The following PPP1R1C variants were observed in gnomAD, a reference collection of about 807,000 sequenced individuals.
PPP1R1C encodes protein phosphatase 1 regulatory inhibitor subunit 1C, also known as protein phosphatase 1 regulatory subunit 1C.
Under a neutral mutation model 17.4 loss-of-function variants are expected in PPP1R1C, and 15 were observed. The ratio of observed to expected loss-of-function variants is 0.86; its 90% CI spans 0.58 to 1.33. PPP1R1C has a LOEUF of 1.33. Ranked by LOEUF, PPP1R1C falls within the 40% of genes most tolerant of loss-of-function variation. The pLI is 0.00. For synonymous variants in PPP1R1C, 35 were observed against 43.1 expected (o/e 0.81, Z 0.73); for missense variants, 143 against 130.0 (o/e 1.10, Z -0.48).
intron 2 of PPP1R1C, among the ~76,000 whole-genome samples, chr2:182,034,940 C>T (rs376352968): frequency 6.6e-6 from 1 of 152,242 alleles, no homozygotes. Context: ...GCTCCTTACA[C>T]ACCTTTAATG....
At chr2:181,990,440 G>A (rs1047413858) in intron 2 of PPP1R1C, among the ~76,000 whole-genome samples, 3 of 152,084 alleles carry the variant, frequency 2.0e-5, no homozygotes, top group African/African-American at 7.2e-5. Context: ...ACAGCGCCCG[G>A]CCTCCAAGCT....
chr2:182,035,173 G>A (rs556861322), intron 2 of PPP1R1C, among the ~76,000 whole-genome samples: 2 of 152,272 alleles, frequency 1.3e-5, no homozygotes, highest in South Asian at 2.1e-4. Flanking sequence ...ACATCACCTT[G>A]CTTCCTCCCA....
chr2:182,034,250 T>C (rs1226674240), intron 2 of PPP1R1C, among the ~76,000 whole-genome samples: 3 of 152,160 alleles, frequency 2.0e-5, no homozygotes, highest in Non-Finnish European at 4.4e-5. Context: ...AAATGTTTAA[T>C]TTATGATAAT....
chr2:182,019,269 T>C (rs1280110187), intron 2 of PPP1R1C, among the ~76,000 whole-genome samples: 1 of 152,216 alleles, frequency 6.6e-6, no homozygotes, highest in African/African-American at 2.4e-5. Context: ...CTTTGCATGG[T>C]AGCCATTACC....
chr2:182,087,031 A>G (rs553240325), intron 4 of PPP1R1C, among the ~76,000 whole-genome samples: 2 of 152,178 alleles, frequency 1.3e-5, no homozygotes, highest in Admixed American at 1.3e-4. Flanking sequence ...ATTTCTTTTT[A>G]ACTCTCACAT....
intron 4 of PPP1R1C, among the ~76,000 whole-genome samples, chr2:182,086,971 G>A (rs1311241527): frequency 1.3e-5 from 2 of 151,390 alleles, no homozygotes; most frequent in Admixed American, 6.6e-5. Flanking sequence ...TCAGTTAATG[G>A]CCTCTTCATC....
At chr2:181,954,968 T>G (rs1684646917) in intron 1 of PPP1R1C, among the ~76,000 whole-genome samples, 1 of 152,238 alleles carries the variant, frequency 6.6e-6, no homozygotes, top group African/African-American at 2.4e-5. Flanking sequence ...AATTGAGGGC[T>G]GTCTCAGGGA....
At chr2:182,087,050 C>T (rs1428193387) in intron 4 of PPP1R1C, among the ~76,000 whole-genome samples, 1 of 152,172 alleles carries the variant, frequency 6.6e-6, no homozygotes, top group Non-Finnish European at 1.5e-5. Flanking sequence ...ATTTCACATC[C>T]AAGCTACCAG....
intron 4 of PPP1R1C, among the ~76,000 whole-genome samples, chr2:182,099,798 G>T (rs2125226806): frequency 6.6e-6 from 1 of 152,256 alleles, no homozygotes; most frequent in South Asian, 2.1e-4. Flanking sequence ...TTTACTAAAG[G>T]AGTAACAGTG....
chr2:181,973,163 C>A (rs895622710), intron 1 of PPP1R1C, among the ~76,000 whole-genome samples: 2 of 152,138 alleles, frequency 1.3e-5, no homozygotes, highest in Non-Finnish European at 2.9e-5. Context: ...AGACCAGGCC[C>A]ACCCCAGACC....
intron 2 of PPP1R1C, among the ~76,000 whole-genome samples, chr2:181,991,582 T>C (rs1329875941): frequency 1.3e-5 from 2 of 152,160 alleles, no homozygotes; most frequent in African/African-American, 4.8e-5. Context: ...GGAATAACTC[T>C]CAACAGTCAG....
intron 2 of PPP1R1C, among the ~76,000 whole-genome samples, chr2:182,013,513 T>C (rs1319128602): frequency 1.3e-5 from 2 of 152,138 alleles, no homozygotes; most frequent in Non-Finnish European, 2.9e-5. Context: ...ATAGTCTTCT[T>C]TGGGTTAAAT....
chr2:182,011,961 C>T (rs1014619360), intron 2 of PPP1R1C, among the ~76,000 whole-genome samples: 6 of 151,866 alleles, frequency 4.0e-5, no homozygotes, highest in Non-Finnish European at 8.8e-5. Context: ...TAATGTTATT[C>T]CACTGTGGTC....
chr2:182,083,322 G>A (rs1410182818), intron 4 of PPP1R1C, among the ~76,000 whole-genome samples: 5 of 152,154 alleles, frequency 3.3e-5, no homozygotes, highest in Non-Finnish European at 7.3e-5. Context: ...GTATAGTGGT[G>A]AAGTCTGAAA....
intron 2 of PPP1R1C, among the ~76,000 whole-genome samples, chr2:182,011,569 A>G (rs1316774177): frequency 6.6e-6 from 1 of 151,778 alleles, no homozygotes; most frequent in East Asian, 1.9e-4. Flanking sequence ...CCAACTTTTC[A>G]TTTCATTGAT....
At chr2:182,038,212 T>A (rs968678586) in intron 2 of PPP1R1C, among the ~76,000 whole-genome samples, 1 of 151,984 alleles carries the variant, frequency 6.6e-6, no homozygotes, top group Non-Finnish European at 1.5e-5. Context: ...TAATGTTTTG[T>A]GGTTTTTGTA....
chr2:181,986,149 G>T lies in PPP1R1C; in HGVS notation c.39G>T (p.Val13=). The change falls in exon 1 of 5, where the codon GTG becomes GTT. Residue 13 remains valine (V), a synonymous_variant. Coordinates refer to ENST00000682840, the MANE Select transcript of PPP1R1C (RefSeq NM_001080545.3). The part of the protein sequence containing the change: ...PNSPKKIQFA[V]PVFQSQIAPE... ...GTCCCAAAAAGATACAGTTTGCCGTGCCTGTATTCCAGAGTCAGATTGCAC... is the reference window on the plus strand; with the variant it reads ...GTCCCAAAAAGATACAGTTTGCCGTTCCTGTATTCCAGAGTCAGATTGCAC... 1 of 1,613,794 alleles carries T rather than the reference G, an allele frequency of 6.2e-7. No individual in the cohort carries two copies. The highest frequency in any genetic ancestry group is 2.2e-5 in the East Asian group (1 of 44,884).
intron 2 of PPP1R1C, among the ~76,000 whole-genome samples, chr2:182,040,437 C>T (rs745767101): frequency 4.6e-5 from 7 of 152,140 alleles, no homozygotes; most frequent in African/African-American, 7.2e-5. Context: ...CATTTATTGG[C>T]CATCGGTATA....
chr2:182,013,645 C>G (rs980294644), intron 2 of PPP1R1C, among the ~76,000 whole-genome samples: 1 of 152,130 alleles, frequency 6.6e-6, no homozygotes, highest in Admixed American at 6.5e-5. Context: ...ATCACCTCCT[C>G]TTTAAGACCA....
Sources: allele counts gnomAD v4.1 joint callset (sites outside exome capture counted in the v4.1 genomes callset), GRCh38; gene constraint gnomAD v4.1.1; transcripts MANE v1.5; gene names NCBI Gene and HGNC (gene_info 2026-07-23, HGNC 2026-07-21).